The following ROBO1 variants were observed in gnomAD, a reference collection of about 807,000 sequenced individuals.
ROBO1 encodes roundabout homolog 1.
A neutral mutation model predicts 195.9 loss-of-function variants in ROBO1; 149 were observed. The observed-to-expected ratio is 0.76, with a 90% CI of 0.67 to 0.87. ROBO1 has a LOEUF of 0.87. Among genes scored for constraint, ROBO1 ranks in the 40% least tolerant of loss-of-function variants. The probability of loss-of-function intolerance (pLI) is 0.00; values close to 1 mark genes in which losing one functional copy is unlikely to be tolerated. For synonymous variants in ROBO1, 816 were observed against 733.2 expected (o/e 1.11, Z -1.82); for missense variants, 1,933 against 2,068.3 (o/e 0.93, Z 1.27).
chr3:79,668,971 G>C (rs1450629750), intron 1 of ROBO1, among the ~76,000 whole-genome samples: 1 of 151,778 alleles, frequency 6.6e-6, no homozygotes, highest in African/African-American at 2.4e-5. Context: ...GTACAATGGT[G>C]GTCCCATAAG....
intron 2 of ROBO1, among the ~76,000 whole-genome samples, chr3:79,577,717 AACACACACAC>A (rs58998352): frequency 0.088 from 12,314 of 140,634 alleles, 520 homozygotes; most frequent in East Asian, 0.15. Flanking sequence ...CTTTACTAAA[AACACACACAC>A]ACACACACAC....
chr3:79,444,035 T>C (rs1049208183), intron 2 of ROBO1, among the ~76,000 whole-genome samples: 3 of 152,054 alleles, frequency 2.0e-5, no homozygotes, highest in African/African-American at 4.8e-5. Context: ...ATTTGACAGA[T>C]TAACAATTTT....
In ROBO1 at chr3:79,496,387, C is replaced by CATT. The variant is rs145186389; in HGVS notation, c.88+93436_88+93437insAAT. 1.1e-3 allele frequency among the ~76,000 whole-genome samples: 126 copies of CATT among 112,520 alleles called. 7 individuals are homozygous for CATT. Among genetic ancestry groups the CATT allele is most frequent in the East Asian group, 1.6e-3 (6 of 3,754 alleles). 73.8% of individuals were successfully genotyped at this position (112,520 alleles called of 152,430 possible). A position where few individuals can be genotyped will look rare whatever the true frequency, so the allele number is the denominator to read the frequency against. Reference sequence around the variant, plus strand: ...TTTTGGTATAATGCTGCGCACCCATCTTTTTTTGAGACGGAGTCTCGCTCT... The same window carrying CATT: ...TTTTGGTATAATGCTGCGCACCCATCATTTTTTTTTGAGACGGAGTCTCGCTCT... On this transcript the variant is annotated intron_variant, in intron 2 of 30. Transcript: ENST00000464233.
At position 78,600,187 on chromosome 3, in the gene ROBO1, C is replaced by T; in HGVS notation, c.4867G>A (p.Gly1623Ser). The T allele has an allele frequency of 6.2e-7, 1 of 1,613,582 alleles. No individual in the cohort carries two copies. The highest frequency in any genetic ancestry group is 8.5e-7 in the Non-Finnish European group (1 of 1,179,658). Residue 1623 changes from glycine (G) to serine (S), a missense_variant, in exon 30 of 31, where the codon GGT becomes AGT. By Grantham distance (56) the Gly-to-Ser change is moderately conservative. Coordinates refer to ENST00000464233, the MANE Select transcript of ROBO1 (RefSeq NM_002941.4). ...GSRQREQANV[G>S]RRNIAEMQVL... Reference sequence around the variant, plus strand: ...TGCATTTCTGCAATATTTCTTCGACCTACATTTGCTTGTTCTCTTTGTCTG... The same window carrying T: ...TGCATTTCTGCAATATTTCTTCGACTTACATTTGCTTGTTCTCTTTGTCTG...
chr3:79,496,638 C>G (rs976637313), intron 2 of ROBO1, among the ~76,000 whole-genome samples: 27 of 150,844 alleles, frequency 1.8e-4, no homozygotes, highest in Non-Finnish European at 1.5e-5. Flanking sequence ...CCACCCGCCT[C>G]GGCCTCCCAA....
At chr3:79,520,045 G>C (rs767209865) in intron 2 of ROBO1, among the ~76,000 whole-genome samples, 9 of 151,744 alleles carry the variant, frequency 5.9e-5, no homozygotes, top group Non-Finnish European at 1.3e-4. Flanking sequence ...GCACAAGCCT[G>C]TAGTCTCAGC....
At chr3:79,040,842 A>G (rs2078474479) in intron 3 of ROBO1, among the ~76,000 whole-genome samples, 1 of 152,060 alleles carries the variant, frequency 6.6e-6, no homozygotes, top group South Asian at 2.1e-4. Context: ...TTCTTTTTAA[A>G]CTTCAATATG....
intron 2 of ROBO1, among the ~76,000 whole-genome samples, chr3:79,464,119 C>T (rs1241205380): frequency 6.6e-6 from 1 of 152,138 alleles, no homozygotes; most frequent in African/African-American, 2.4e-5. Context: ...ATCTTAATTC[C>T]CTTTAATTGG....
chr3:79,328,699 T>A (rs2109160198), intron 2 of ROBO1, among the ~76,000 whole-genome samples: 1 of 152,140 alleles, frequency 6.6e-6, no homozygotes, highest in Non-Finnish European at 1.5e-5. Context: ...TAGTGGTAAT[T>A]TCTGAGATTT....
chr3:78,794,381 G>A (rs558144504), intron 4 of ROBO1, among the ~76,000 whole-genome samples: 2 of 152,202 alleles, frequency 1.3e-5, no homozygotes, highest in East Asian at 3.9e-4. Context: ...AACTACTGTT[G>A]TCTTATTTTA....
At chr3:78,664,070 A>T (rs1346832276) in intron 14 of ROBO1, among the ~76,000 whole-genome samples, 1 of 152,154 alleles carries the variant, frequency 6.6e-6, no homozygotes, top group Non-Finnish European at 1.5e-5. Flanking sequence ...AGTCTATAAC[A>T]TTATAATAGA....
At chr3:79,018,668 A>C (rs571929642) in intron 3 of ROBO1, 979 of 1,389,984 alleles carry the variant, frequency 7.0e-4, no homozygotes, top group Non-Finnish European at 8.8e-4. Context: ...AAGAATTCCA[A>C]GGTTTGTCTT....
At chr3:79,728,098 G>T (rs1702994276) in intron 1 of ROBO1, among the ~76,000 whole-genome samples, 1 of 149,910 alleles carries the variant, frequency 6.7e-6, no homozygotes, top group Admixed American at 6.7e-5. Flanking sequence ...GTATTTGTGT[G>T]TGTAAATATA....
At chr3:79,240,955 T>A (rs2082504299) in intron 2 of ROBO1, among the ~76,000 whole-genome samples, 1 of 152,152 alleles carries the variant, frequency 6.6e-6, no homozygotes. Context: ...TTTTTTTAAC[T>A]TTGAAAATAT....
chr3:79,631,406 A>G (rs1945336223), intron 1 of ROBO1, among the ~76,000 whole-genome samples: 1 of 152,060 alleles, frequency 6.6e-6, no homozygotes, highest in African/African-American at 2.4e-5. Flanking sequence ...TATTCAATAC[A>G]TTGTGCTGAG....
At chr3:79,259,249 A>T (rs2082894283) in intron 2 of ROBO1, among the ~76,000 whole-genome samples, 1 of 151,988 alleles carries the variant, frequency 6.6e-6, no homozygotes, top group African/African-American at 2.4e-5. Context: ...AGCTCAAGGG[A>T]TCCTCCCACT....
intron 5 of ROBO1, among the ~76,000 whole-genome samples, chr3:78,736,225 C>T (rs137887481): frequency 6.6e-6 from 1 of 152,056 alleles, no homozygotes; most frequent in East Asian, 1.9e-4. Flanking sequence ...TTCCTGAGTA[C>T]CCTAAAAGAC....
intron 2 of ROBO1, among the ~76,000 whole-genome samples, chr3:79,489,505 A>C (rs1939339530): frequency 6.6e-6 from 1 of 151,986 alleles, no homozygotes; most frequent in Admixed American, 6.6e-5. Context: ...AATTACAAAA[A>C]TTAGCTGGGT....
At chr3:78,675,710 C>T (rs574063569) in intron 10 of ROBO1, among the ~76,000 whole-genome samples, 51 of 152,284 alleles carry the variant, frequency 3.3e-4, no homozygotes, top group African/African-American at 1.2e-3. Flanking sequence ...CTCAAGGAGG[C>T]CTGCCTGCCT....
Sources: gnomAD v4.1 joint callset for allele counts (sites outside exome capture counted in the v4.1 genomes callset) on GRCh38, gnomAD v4.1.1 for gene constraint, MANE v1.5 for transcripts, NCBI Gene and HGNC (gene_info 2026-07-23, HGNC 2026-07-21) for gene names.